Variants in ACSS3 observed in about 807,000 individuals in gnomAD.
ACSS3 encodes acyl-CoA synthetase short-chain family member 3, mitochondrial.
In ACSS3, 64 loss-of-function variants were observed where a neutral mutation model predicts 84.2. That is an observed-to-expected ratio of 0.76 (90% CI 0.62 to 0.94). ACSS3 has a LOEUF of 0.94. ACSS3 is among the 40% of genes least tolerant of loss of function. The pLI is 0.00. For synonymous variants in ACSS3, 317 were observed against 310.1 expected (o/e 1.02, Z -0.23); for missense variants, 815 against 867.6 (o/e 0.94, Z 0.76).
chr12:81,160,994 G>A (rs930751231), intron 7 of ACSS3, among the ~76,000 whole-genome samples: 1 of 152,144 alleles, frequency 6.6e-6, no homozygotes, highest in African/African-American at 2.4e-5. Flanking sequence ...CGATATAATA[G>A]TGTAATCAGT....
chr12:81,172,307 G>C (rs2030126919), intron 7 of ACSS3, among the ~76,000 whole-genome samples: 1 of 132,774 alleles, frequency 7.5e-6, no homozygotes, highest in Non-Finnish European at 1.6e-5. Flanking sequence ...CTTTTTTTTA[G>C]TGTAACAATG....
chr12:81,118,478 T>C (rs1297207923), intron 2 of ACSS3, among the ~76,000 whole-genome samples: 1 of 152,174 alleles, frequency 6.6e-6, no homozygotes, highest in African/African-American at 2.4e-5. Context: ...AGAAATGTCA[T>C]ATATGCTTTC....
At chr12:81,229,944 G>A (rs1173516934) in intron 11 of ACSS3, among the ~76,000 whole-genome samples, 1 of 151,876 alleles carries the variant, frequency 6.6e-6, no homozygotes, top group African/African-American at 2.4e-5. Context: ...CAGAATGTGA[G>A]AGTAAAATTC....
At chr12:81,202,723 T>C (rs1396030252) in intron 9 of ACSS3, among the ~76,000 whole-genome samples, 1 of 152,180 alleles carries the variant, frequency 6.6e-6, no homozygotes, top group African/African-American at 2.4e-5. Context: ...CACTGATACA[T>C]GTGTACAAAT....
At chr12:81,131,268 G>T (rs1011118593) in intron 2 of ACSS3, among the ~76,000 whole-genome samples, 2 of 152,136 alleles carry the variant, frequency 1.3e-5, no homozygotes, top group Non-Finnish European at 2.9e-5. Flanking sequence ...AGCATGGAGT[G>T]TTCTTCCATT....
intron 1 of ACSS3, among the ~76,000 whole-genome samples, chr12:81,090,623 A>C (rs1024691810): frequency 6.6e-6 from 1 of 151,998 alleles, no homozygotes; most frequent in Admixed American, 6.6e-5. Context: ...CAAATCCTCT[A>C]TCAAGGAACC....
chr12:81,114,601 A>G lies in ACSS3; in HGVS notation c.456+4897A>G, dbSNP rs554128558. ...TGTTTCCTTTCCTTAAATTTCCTAA[A>G]TAAACAATAAAACCTTCATTTATAT... On this transcript the variant is annotated intron_variant, in intron 2 of 15. Coordinates refer to ENST00000548058, the MANE Select transcript of ACSS3 (RefSeq NM_024560.4). Among the ~76,000 whole-genome samples the G allele has an allele frequency of 9.9e-5, 15 of 152,254 alleles. No homozygotes were observed. The South Asian group carries it at 2.3e-3, about 23-fold the overall frequency.
intron 2 of ACSS3, among the ~76,000 whole-genome samples, chr12:81,119,111 A>G (rs1020629690): frequency 6.6e-5 from 10 of 152,198 alleles, no homozygotes; most frequent in Non-Finnish European, 1.2e-4. Context: ...GTGACATCAC[A>G]TAGCGGTAGG....
At chr12:81,142,993 A>C in intron 4 of ACSS3, 114 bp from the exon 5 acceptor site, 1 of 979,230 alleles carries the variant, frequency 1.0e-6, no homozygotes, top group Non-Finnish European at 1.4e-6. Flanking sequence ...GTTCAGTGCC[A>C]TATAGGCCTA....
Position 81,151,993 on chromosome 12 carries a change from T to A in ACSS3, c.1003-8T>A, listed in dbSNP as rs201723765. ...AAAATATATTCATTTTATTATCTTA[T>A]TTTTTAGGTGTGGTGGGCAGCTTCT... On this transcript the variant is annotated splice_region_variant and splice_polypyrimidine_tract_variant and intron_variant, in intron 6 of 15. Transcript: ENST00000548058. 7 of 1,612,924 alleles carry A rather than the reference T, an allele frequency of 4.3e-6. No individual in the cohort carries two copies. In the Admixed American group the frequency reaches 6.7e-5, roughly 15 times the overall value.
chr12:81,175,020 C>A, intron 8 of ACSS3, 81 bp downstream of exon 8: 1 of 1,476,702 alleles, frequency 6.8e-7, no homozygotes, highest in Non-Finnish European at 9.2e-7. Context: ...TTTTCTGGTA[C>A]TGGAATACTC....
intron 2 of ACSS3, among the ~76,000 whole-genome samples, chr12:81,113,353 T>C (rs1309039398): frequency 1.3e-5 from 2 of 152,148 alleles, no homozygotes; most frequent in Admixed American, 6.6e-5. Context: ...TGGTCCATGT[T>C]ACCTGAATGT....
chr12:81,141,075 C>G (rs1477870327), intron 4 of ACSS3, among the ~76,000 whole-genome samples: 1 of 152,114 alleles, frequency 6.6e-6, no homozygotes, highest in African/African-American at 2.4e-5. Flanking sequence ...TGATTTGTAA[C>G]CAACAAGATA....
intron 11 of ACSS3, 65 bp from the exon 12 acceptor site, chr12:81,230,992 G>C: frequency 8.2e-7 from 1 of 1,219,830 alleles, no homozygotes; most frequent in Non-Finnish European, 1.2e-6. Flanking sequence ...AAAAATAATA[G>C]TTCTAATCAA....
At chr12:81,092,450 C>G (rs1261912125) in intron 1 of ACSS3, among the ~76,000 whole-genome samples, 1 of 152,038 alleles carries the variant, frequency 6.6e-6, no homozygotes, top group Admixed American at 6.6e-5. Flanking sequence ...CCATTTTATT[C>G]TACAATCAGT....
At chr12:81,136,223 G>A (rs1011415532) in intron 3 of ACSS3, among the ~76,000 whole-genome samples, 5 of 152,072 alleles carry the variant, frequency 3.3e-5, no homozygotes, top group Non-Finnish European at 7.4e-5. Flanking sequence ...TTTAAAAAAT[G>A]TTAACTATTA....
chr12:81,078,791 A>C (rs1385524753), intron 1 of ACSS3, among the ~76,000 whole-genome samples: 2 of 152,154 alleles, frequency 1.3e-5, no homozygotes. Context: ...GGTACAAGAA[A>C]CTAGGGAATT....
intron 15 of ACSS3, among the ~76,000 whole-genome samples, chr12:81,254,253 TGTCA>T (rs1201895174): frequency 2.0e-5 from 3 of 152,136 alleles, no homozygotes; most frequent in Non-Finnish European, 4.4e-5. Context: ...TCTTAGTAAT[TGTCA>T]GTTAAATTCA....
chr12:81,114,909 C>G (rs1883910470), intron 2 of ACSS3, among the ~76,000 whole-genome samples: 1 of 152,112 alleles, frequency 6.6e-6, no homozygotes, highest in Non-Finnish European at 1.5e-5. Flanking sequence ...TGTTGTGCCT[C>G]TATTTAGTCA....
Sources: allele counts gnomAD v4.1 joint callset (sites outside exome capture counted in the v4.1 genomes callset), GRCh38; gene constraint gnomAD v4.1.1; transcripts MANE v1.5; gene names NCBI Gene and HGNC (gene_info 2026-07-23, HGNC 2026-07-21).